Variants in PLA2G4C observed in about 807,000 individuals in gnomAD.
The protein encoded by PLA2G4C is phospholipase A2 group IVC.
PLA2G4C carries 64 observed loss-of-function variants against 73.8 expected under a neutral mutation model. The observed-to-expected ratio is 0.87, with a 90% confidence interval of 0.71 to 1.07. PLA2G4C has a LOEUF of 1.07. Among genes scored for constraint, PLA2G4C ranks in the 50% least tolerant of loss-of-function variants. The probability of loss-of-function intolerance (pLI) is 0.00; values close to 1 mark genes in which losing one functional copy is unlikely to be tolerated. For missense variants in PLA2G4C, 622 were observed against 665.4 expected (o/e 0.93, Z 0.72); for synonymous variants, 254 against 252.1 (o/e 1.01, Z -0.07).
intron 7 of PLA2G4C, chr19:48,090,711 T>C (rs435162): frequency 0.059 from 23,062 of 390,580 alleles, 1,827 homozygotes; most frequent in African/African-American, 0.25. Context: ...TTCAAGCTCC[T>C]GTCCATGCCA....
chr19:48,110,484 T>C lies in PLA2G4C; in HGVS notation c.-33+3A>G. The C allele has an allele frequency of 1.4e-6, 2 of 1,381,172 alleles. No homozygotes were observed. Among genetic ancestry groups the C allele is most frequent in the African/African-American group, 3.1e-5 (1 of 31,872 alleles). 85.6% of individuals were successfully genotyped at this position (1,381,172 alleles called of 1,614,324 possible). ...AACAGCCCTCCCTGCCCCCACGGCTTGCCTGAGCCTGGGTCTGGGGCGTGT... is the reference window on the plus strand; with the variant it reads ...AACAGCCCTCCCTGCCCCCACGGCTCGCCTGAGCCTGGGTCTGGGGCGTGT... On this transcript the variant is annotated splice_donor_region_variant and intron_variant, in intron 1 of 16. Transcript: ENST00000599921.
intron 3 of PLA2G4C, among the ~76,000 whole-genome samples, chr19:48,105,087 A>AAG (rs2032104599): frequency 9.1e-6 from 1 of 110,214 alleles, no homozygotes; most frequent in Admixed American, 8.7e-5. Context: ...TGTCTCAAAA[A>AAG]AAAAAAAAAA....
At chr19:48,077,350 A>T (rs1440582386) in intron 11 of PLA2G4C, among the ~76,000 whole-genome samples, 1 of 152,010 alleles carries the variant, frequency 6.6e-6, no homozygotes, top group Non-Finnish European at 1.5e-5. Flanking sequence ...ACAGCTGCAA[A>T]AAAATAAAAT....
rs1283439477 is a variant in PLA2G4C, at chr19:48,072,963, T to C, written c.1006+1804A>G. The C allele has an allele frequency of 6.6e-6, 1 of 152,230 alleles. No individual in the cohort carries two copies. Among genetic ancestry groups the C allele is most frequent in the African/African-American group, 2.4e-5 (1 of 41,438 alleles). 9.4% of individuals were successfully genotyped at this position (152,230 alleles called of 1,614,324 possible). On this transcript the variant is annotated intron_variant, in intron 12 of 16. Coordinates refer to ENST00000599921, the MANE Select transcript of PLA2G4C (RefSeq NM_003706.3). This position sits in a 1 kb window ranked among gnomAD's most constrained non-coding sequence, Gnocchi z 4.4. ...GGCTTCAGCGACCAACTGTCTTCAT[T>C]GTCCCTCATCCACGCTACTTCACTC...
chr19:48,090,403 C>T lies in PLA2G4C; in HGVS notation c.724G>A (p.Ala242Thr), dbSNP rs746038150. The T allele has an allele frequency of 6.2e-7, 1 of 1,612,430 alleles. No individual in the cohort carries two copies. Reference sequence around the variant, plus strand: ...CTAATGACTTCAGTGTTACCAAGAGCACTTCCCCATAAACCTGCCAAGAAA... The same window carrying T: ...CTAATGACTTCAGTGTTACCAAGAGTACTTCCCCATAAACCTGCCAAGAAA... The part of the protein sequence containing the change: ...LTFLRGLWGS[A>T]LGNTEVIREY... The change falls in exon 8 of 17, where the codon GCT becomes ACT. Residue 242 changes from alanine (A) to threonine (T), a missense_variant. Physicochemically the swap from Ala to Thr is moderately conservative, Grantham distance 58. Coordinates refer to ENST00000599921, the MANE Select transcript of PLA2G4C (RefSeq NM_003706.3).
chr19:48,108,183 TC>T (rs2032325259), intron 1 of PLA2G4C, among the ~76,000 whole-genome samples: 1 of 152,160 alleles, frequency 6.6e-6, no homozygotes, highest in African/African-American at 2.4e-5. Context: ...GCAGGGCTGG[TC>T]CCTACAGTGG....
Position 48,110,531 on chromosome 19 carries a change from T to TGCTCCGGAATCCGGTGCGGAGGCTTGG in PLA2G4C, c.-104_-78dup, listed in dbSNP as rs11272655. ...GTGTGCGCATGCGCGGTGGAGCTTG[T>TGCTCCGGAATCCGGTGCGGAGGCTTGG]GCTCCGGAATCCGGTGCGGAGGCTT... On this transcript the variant is annotated 5_prime_UTR_variant, in exon 1 of 17. Transcript: ENST00000599921. 0.45 allele frequency: 624,184 copies of TGCTCCGGAATCCGGTGCGGAGGCTTGG among 1,384,054 alleles called. 155,846 individuals are homozygous for TGCTCCGGAATCCGGTGCGGAGGCTTGG. Among genetic ancestry groups the TGCTCCGGAATCCGGTGCGGAGGCTTGG allele is most frequent in the East Asian group, 0.59 (20,007 of 34,132 alleles). 85.7% of individuals were successfully genotyped at this position (1,384,054 alleles called of 1,614,324 possible). A position where few individuals can be genotyped will look rare whatever the true frequency, so the allele number is the denominator to read the frequency against.
At chr19:48,075,673 G>C (rs958914668) in intron 11 of PLA2G4C, among the ~76,000 whole-genome samples, 6 of 152,222 alleles carry the variant, frequency 3.9e-5, no homozygotes, top group Admixed American at 1.3e-4. Context: ...GCTCTCTGAG[G>C]CTTCTTTTAT....
chr19:48,071,593 G>A (rs1048288988), intron 12 of PLA2G4C, among the ~76,000 whole-genome samples: 8 of 151,578 alleles, frequency 5.3e-5, no homozygotes, highest in South Asian at 4.2e-4. Context: ...CACCACACCC[G>A]GCCATTCTAT....
chr19:48,080,332 G>C (rs1291949823), intron 10 of PLA2G4C, among the ~76,000 whole-genome samples: 1 of 152,154 alleles, frequency 6.6e-6, no homozygotes, highest in Non-Finnish European at 1.5e-5. Context: ...AAAAACCATA[G>C]ACGTTGGTGT....
chr19:48,062,921 T>G (rs934271456), intron 13 of PLA2G4C, among the ~76,000 whole-genome samples: 13 of 152,192 alleles, frequency 8.5e-5, no homozygotes, highest in Non-Finnish European at 1.8e-4. Flanking sequence ...CAGCTTGGTT[T>G]AGACATTTTA....
intron 4 of PLA2G4C, among the ~76,000 whole-genome samples, chr19:48,101,128 T>TA (rs1568453324): frequency 4.1e-3 from 130 of 31,834 alleles, no homozygotes; most frequent in Middle Eastern, 0.017. Context: ...ATATATATAT[T>TA]TTTTTTTTTT....
chr19:48,060,061 G>A (rs530703478), intron 14 of PLA2G4C, among the ~76,000 whole-genome samples: 2 of 151,892 alleles, frequency 1.3e-5, no homozygotes, highest in East Asian at 3.9e-4. Flanking sequence ...GAGCCACCAG[G>A]CCTGGCTGGG....
At chr19:48,104,513 A>T in intron 4 of PLA2G4C, 75 bp downstream of exon 4, 1 of 1,438,810 alleles carries the variant, frequency 7.0e-7, no homozygotes, top group Non-Finnish European at 9.7e-7. Context: ...AAAACCACAC[A>T]CATTTGGTGT....
chr19:48,080,790 C>A (rs150111395), intron 10 of PLA2G4C, among the ~76,000 whole-genome samples: 8 of 139,688 alleles, frequency 5.7e-5, no homozygotes, highest in African/African-American at 2.2e-4. Context: ...GGCAACAGAG[C>A]GAGACTCTGC....
At chr19:48,092,421 T>C (rs2031360690) in intron 7 of PLA2G4C, among the ~76,000 whole-genome samples, 2 of 152,132 alleles carry the variant, frequency 1.3e-5, no homozygotes, top group African/African-American at 4.8e-5. Flanking sequence ...CCCAAAAGAA[T>C]TGAAAGCAGG....
chr19:48,098,351 G>A, intron 5 of PLA2G4C, 92 bp from the exon 6 acceptor site: 4 of 1,222,882 alleles, frequency 3.3e-6, no homozygotes, highest in Non-Finnish European at 4.5e-6. Context: ...TTTTTAGAGG[G>A]GTCTCAGTCT....
chr19:48,090,882 C>G (rs1338575574), intron 7 of PLA2G4C, among the ~76,000 whole-genome samples: 2 of 152,046 alleles, frequency 1.3e-5, no homozygotes, highest in African/African-American at 4.8e-5. Context: ...GCATGCAACT[C>G]TAGTCTCAGC....
intron 11 of PLA2G4C, among the ~76,000 whole-genome samples, chr19:48,075,203 A>ATTTAT (rs2030065377): frequency 1.4e-5 from 2 of 145,230 alleles, no homozygotes; most frequent in Non-Finnish European, 3.0e-5. Context: ...TATTTATTTG[A>ATTTAT]GACAGAGTAT....
Sources: allele counts gnomAD v4.1 joint callset (sites outside exome capture counted in the v4.1 genomes callset), GRCh38; gene constraint gnomAD v4.1.1; non-coding constraint Gnocchi (gnomAD v3.1); transcripts MANE v1.5; gene names NCBI Gene and HGNC (gene_info 2026-07-23, HGNC 2026-07-21).